The following PAK5 variants were observed in gnomAD, a reference collection of about 807,000 sequenced individuals.
The protein encoded by PAK5 is serine/threonine-protein kinase PAK 5.
PAK5 carries 16 observed loss-of-function variants against 65.9 expected under a neutral mutation model. The observed-to-expected ratio is 0.24, with a 90% CI of 0.16 to 0.37. The LOEUF (loss-of-function observed/expected upper bound fraction) is 0.37. Among genes scored for constraint, PAK5 ranks in the 10% least tolerant of loss-of-function variants. PAK5 has a pLI of 1.00. For synonymous variants in PAK5, 371 were observed against 354.9 expected, an observed-to-expected ratio of 1.05 and a Z score of -0.51; for missense variants, 785 against 903.9, an observed-to-expected ratio of 0.87 and a Z score of 1.69.
chr20:9,616,429 G>C (rs552739664), intron 3 of PAK5, among the ~76,000 whole-genome samples: 2 of 152,312 alleles, frequency 1.3e-5, no homozygotes, highest in South Asian at 4.1e-4. Flanking sequence ...TGGAAACACG[G>C]CAAAGACAAG....
chr20:9,648,543 C>T (rs2047163572), intron 2 of PAK5, among the ~76,000 whole-genome samples: 1 of 151,662 alleles, frequency 6.6e-6, no homozygotes, highest in African/African-American at 2.4e-5. Context: ...GAGGAACTTG[C>T]TAAAATCCAA....
intron 1 of PAK5, among the ~76,000 whole-genome samples, chr20:9,758,679 T>C (rs2048663387): frequency 6.6e-6 from 1 of 152,300 alleles, no homozygotes; most frequent in South Asian, 2.1e-4. Context: ...TTCAAGGCTT[T>C]CCCCCTTGGA....
intron 3 of PAK5, among the ~76,000 whole-genome samples, chr20:9,623,460 G>T (rs2046799488): frequency 1.3e-5 from 2 of 152,072 alleles, no homozygotes; most frequent in South Asian, 4.2e-4. Context: ...GGGAAGAAAT[G>T]AAATCAAGTA....
At chr20:9,539,716 C>A in intron 9 of PAK5, 99 bp from the exon 10 acceptor site, 1 of 926,268 alleles carries the variant, frequency 1.1e-6, no homozygotes, top group South Asian at 1.7e-5. Context: ...ACTTCAAATT[C>A]CAGAAAGTTA....
intron 1 of PAK5, among the ~76,000 whole-genome samples, chr20:9,734,208 A>C (rs2123562865): frequency 6.6e-6 from 1 of 152,332 alleles, no homozygotes; most frequent in African/African-American, 2.4e-5. Context: ...TGTATTAGGA[A>C]AGTTGAAAAC....
At chr20:9,641,737 G>A (rs562071544) in intron 3 of PAK5, among the ~76,000 whole-genome samples, 22 of 152,238 alleles carry the variant, frequency 1.4e-4, no homozygotes, top group African/African-American at 5.1e-4. Flanking sequence ...CTGCCCCGTG[G>A]GAAGGCAGCT....
chr20:9,574,816 C>G lies in PAK5; in HGVS notation c.990+5329G>C, dbSNP rs183821689. Among the ~76,000 whole-genome samples, 51 of 152,228 alleles carry G rather than the reference C, an allele frequency of 3.4e-4. 1 individual carries two copies. The East Asian group carries it at 9.7e-3, about 29-fold the overall frequency. On this transcript the variant is annotated intron_variant, in intron 4 of 9. Transcript: ENST00000353224. ...GTAAAGAAAACAAATCTAAATATATCCATTGTTATATTAAGTGATCAAGTG... is the reference window on the plus strand; with the variant it reads ...GTAAAGAAAACAAATCTAAATATATGCATTGTTATATTAAGTGATCAAGTG...
At chr20:9,633,657 G>A (rs2046950240) in intron 3 of PAK5, among the ~76,000 whole-genome samples, 1 of 152,162 alleles carries the variant, frequency 6.6e-6, no homozygotes, top group Non-Finnish European at 1.5e-5. Context: ...CTTCACATCA[G>A]CTTCTGCTCT....
intron 3 of PAK5, among the ~76,000 whole-genome samples, chr20:9,629,243 G>A (rs2046890140): frequency 6.6e-6 from 1 of 152,132 alleles, no homozygotes; most frequent in Admixed American, 6.5e-5. Flanking sequence ...ACTAACAAAT[G>A]TGTGTTGTTT....
chr20:9,746,027 C>T (rs552765554), intron 1 of PAK5, among the ~76,000 whole-genome samples: 2 of 152,074 alleles, frequency 1.3e-5, no homozygotes, highest in Non-Finnish European at 2.9e-5. Flanking sequence ...CAGAGAAAAC[C>T]CAATGTTAAT....
intron 3 of PAK5, among the ~76,000 whole-genome samples, chr20:9,584,301 CTTATTTTATT>C (rs558325690): frequency 3.9e-5 from 6 of 151,992 alleles, no homozygotes; most frequent in Non-Finnish European, 8.8e-5. Context: ...CTGTTTACCA[CTTATTTTATT>C]TTATTTTATT....
chr20:9,644,403 G>T, intron 2 of PAK5, 64 bp from the exon 3 acceptor site: 1 of 1,070,602 alleles, frequency 9.3e-7, no homozygotes, highest in Non-Finnish European at 1.4e-6. Flanking sequence ...CCAGGAGAAA[G>T]CTATTGTTAA....
chr20:9,739,351 T>C (rs1380551757), intron 1 of PAK5, among the ~76,000 whole-genome samples: 3 of 152,034 alleles, frequency 2.0e-5, no homozygotes, highest in Non-Finnish European at 4.4e-5. Context: ...CTGTATTTAA[T>C]CTCTCTTGTT....
intron 7 of PAK5, among the ~76,000 whole-genome samples, chr20:9,555,361 G>T (rs1333075968): frequency 6.6e-6 from 1 of 152,166 alleles, no homozygotes; most frequent in East Asian, 1.9e-4. Flanking sequence ...GCACATTGAG[G>T]GGAGGGGAGA....
At chr20:9,675,569 C>T (rs1353337193) in intron 2 of PAK5, among the ~76,000 whole-genome samples, 1 of 151,926 alleles carries the variant, frequency 6.6e-6, no homozygotes, top group African/African-American at 2.4e-5. Context: ...TCTTGAGCTC[C>T]CAGGCTCAAG....
At chr20:9,805,173 A>T (rs1482185006) in intron 1 of PAK5, among the ~76,000 whole-genome samples, 3 of 152,220 alleles carry the variant, frequency 2.0e-5, no homozygotes, top group African/African-American at 4.8e-5. Context: ...CCACAATGAG[A>T]TACCACTTCA....
chr20:9,659,790 C>T (rs144993886), intron 2 of PAK5, among the ~76,000 whole-genome samples: 2 of 152,258 alleles, frequency 1.3e-5, no homozygotes, highest in African/African-American at 2.4e-5. Flanking sequence ...TTGGATATTG[C>T]CTTGTCCCCA....
intron 3 of PAK5, among the ~76,000 whole-genome samples, chr20:9,615,354 T>C (rs2046636213): frequency 6.6e-6 from 1 of 152,196 alleles, no homozygotes; most frequent in Non-Finnish European, 1.5e-5. Flanking sequence ...GGAGGTTCTT[T>C]GACTGCAACA....
chr20:9,608,145 C>T (rs1487653736), intron 3 of PAK5, among the ~76,000 whole-genome samples: 1 of 152,160 alleles, frequency 6.6e-6, no homozygotes, highest in Non-Finnish European at 1.5e-5. Context: ...TTGACCTAAT[C>T]AATCACCTGC....
Sources: allele counts gnomAD v4.1 joint callset (sites outside exome capture counted in the v4.1 genomes callset), GRCh38; gene constraint gnomAD v4.1.1; transcripts MANE v1.5; gene names NCBI Gene and HGNC (gene_info 2026-07-23, HGNC 2026-07-21).